The following SSH2 variants were observed in gnomAD, a reference collection of about 807,000 sequenced individuals.
SSH2 encodes slingshot protein phosphatase 2.
A neutral mutation model predicts 135.2 loss-of-function variants in SSH2; 37 were observed. The observed-to-expected ratio is 0.27, with a 90% confidence interval of 0.21 to 0.36. SSH2 has a LOEUF of 0.36. Among genes scored for constraint, SSH2 ranks in the 10% least tolerant of loss-of-function variants. The pLI is 1.00. For synonymous variants in SSH2, 628 were observed against 646.2 expected (o/e 0.97, Z 0.43); for missense variants, 1,408 against 1,765.3 (o/e 0.80, Z 3.63).
intron 1 of SSH2, among the ~76,000 whole-genome samples, chr17:29,871,900 C>T: frequency 6.6e-6 from 1 of 152,022 alleles, no homozygotes; most frequent in Non-Finnish European, 1.5e-5. Context: ...CAAAAATATT[C>T]CCTATTTTTT....
intron 5 of SSH2, among the ~76,000 whole-genome samples, chr17:29,690,273 C>T (rs1357117938): frequency 6.6e-6 from 1 of 151,616 alleles, no homozygotes; most frequent in African/African-American, 2.4e-5. Context: ...GGCGTGGTGG[C>T]GCATGCCGGT....
At chr17:29,721,408 C>G (rs1330097049) in intron 3 of SSH2, among the ~76,000 whole-genome samples, 1 of 152,180 alleles carries the variant, frequency 6.6e-6, no homozygotes, top group Non-Finnish European at 1.5e-5. Flanking sequence ...AGTGGCAACT[C>G]AGGACCCAGG....
At chr17:29,928,537 A>G (rs1043175821) in intron 1 of SSH2, 1 of 398,518 alleles carries the variant, frequency 2.5e-6, no homozygotes, top group Non-Finnish European at 4.4e-6. Flanking sequence ...TCTTCCTTAC[A>G]ATCACTGGAA....
intron 8 of SSH2, chr17:29,674,170 T>C (rs1052740374): frequency 4.4e-6 from 2 of 456,410 alleles, no homozygotes; most frequent in Admixed American, 2.4e-5. Context: ...CTATACAATG[T>C]AAATTAAGAA....
chr17:29,813,546 G>A (rs1320187765), intron 2 of SSH2, among the ~76,000 whole-genome samples: 4 of 151,960 alleles, frequency 2.6e-5, no homozygotes, highest in Non-Finnish European at 5.9e-5. Context: ...AGCCGGGCAC[G>A]GTGGCTCACG....
At chr17:29,880,184 C>T (rs1245109506) in intron 1 of SSH2, among the ~76,000 whole-genome samples, 1 of 152,184 alleles carries the variant, frequency 6.6e-6, no homozygotes, top group African/African-American at 2.4e-5. Context: ...TGCAGTGACA[C>T]AATCACAGCT....
At chr17:29,785,027 A>G (rs1377156113) in intron 3 of SSH2, among the ~76,000 whole-genome samples, 1 of 152,122 alleles carries the variant, frequency 6.6e-6, no homozygotes, top group Non-Finnish European at 1.5e-5. Flanking sequence ...ATAAAGACCA[A>G]ATTTTCAAAG....
At position 29,854,713 on chromosome 17, in the gene SSH2, C is replaced by T. The variant is rs1011048269; in HGVS notation, c.64-5784G>A. On this transcript the variant is annotated intron_variant, in intron 1 of 15. Coordinates refer to ENST00000540801, the MANE Select transcript of SSH2 (RefSeq NM_001282129.2). ...CTGTAATCCCAGCACTTTGGGAGGC[C>T]GAGGCGGGTGGATCACCTGAGGTCA... 8.1e-4 allele frequency among the ~76,000 whole-genome samples: 123 copies of T among 151,880 alleles called. 1 individual carries two copies. The highest frequency in any genetic ancestry group is 2.6e-4 in the Non-Finnish European group (18 of 67,950).
intron 3 of SSH2, among the ~76,000 whole-genome samples, chr17:29,781,546 C>A (rs1387595888): frequency 7.3e-6 from 1 of 136,104 alleles, no homozygotes; most frequent in Non-Finnish European, 1.5e-5. Context: ...ATGGCGCAGT[C>A]TCAGCTCACT....
chr17:29,790,306 G>A (rs1202551047), intron 3 of SSH2, among the ~76,000 whole-genome samples: 1 of 152,092 alleles, frequency 6.6e-6, no homozygotes, highest in Non-Finnish European at 1.5e-5. Context: ...AGACCAGAAC[G>A]TGCTCTCTCT....
intron 2 of SSH2, among the ~76,000 whole-genome samples, chr17:29,800,944 C>T (rs756365782): frequency 5.3e-4 from 80 of 151,646 alleles, no homozygotes; most frequent in Non-Finnish European, 9.9e-4. Flanking sequence ...CGGCTCACTG[C>T]ACCCTCTGCC....
At chr17:29,656,127 G>C (rs2036769196) in intron 11 of SSH2, among the ~76,000 whole-genome samples, 2 of 152,202 alleles carry the variant, frequency 1.3e-5, no homozygotes, top group South Asian at 4.1e-4. Context: ...AATTTTTACA[G>C]ATAACAAAAG....
chr17:29,874,142 A>T (rs1033973612), intron 1 of SSH2, among the ~76,000 whole-genome samples: 1 of 151,850 alleles, frequency 6.6e-6, no homozygotes, highest in Non-Finnish European at 1.5e-5. Flanking sequence ...AAAATACAAA[A>T]ATTAGCTGAG....
intron 1 of SSH2, among the ~76,000 whole-genome samples, chr17:29,911,557 A>T (rs942978149): frequency 6.6e-6 from 1 of 152,162 alleles, no homozygotes; most frequent in African/African-American, 2.4e-5. Flanking sequence ...CAGGATTCCA[A>T]CTTAGGTTGT....
chr17:29,643,904 C>T (rs971519449), intron 14 of SSH2, among the ~76,000 whole-genome samples: 2 of 152,162 alleles, frequency 1.3e-5, no homozygotes, highest in African/African-American at 4.8e-5. Context: ...AGTTTAAATG[C>T]CCCTTTTCTT....
At chr17:29,847,445 C>T (rs776811258) in intron 2 of SSH2, among the ~76,000 whole-genome samples, 5 of 152,114 alleles carry the variant, frequency 3.3e-5, no homozygotes, top group Non-Finnish European at 5.9e-5. Context: ...ACAACTGGGA[C>T]GGTGTCTGCA....
chr17:29,761,841 ATATG>A (rs1360849978), intron 3 of SSH2, among the ~76,000 whole-genome samples: 6 of 141,228 alleles, frequency 4.2e-5, no homozygotes, highest in Non-Finnish European at 9.1e-5. Flanking sequence ...ACTCACATAC[ATATG>A]TGTGTGTGTG....
intron 3 of SSH2, among the ~76,000 whole-genome samples, chr17:29,741,419 A>G (rs1186777740): frequency 6.6e-6 from 1 of 152,188 alleles, no homozygotes; most frequent in Non-Finnish European, 1.5e-5. Flanking sequence ...GGTTTTGTTT[A>G]TAACTGCAAA....
In SSH2 at chr17:29,780,795, T is replaced by C. The variant is rs533062127; in HGVS notation, c.188+13099A>G. On this transcript the variant is annotated intron_variant, in intron 3 of 15. Coordinates refer to ENST00000540801, the MANE Select transcript of SSH2 (RefSeq NM_001282129.2). The stretch of plus-strand genomic sequence containing the variant: ...CATATTTACAATGGACCTACTTTTT[T>C]CCCCACTTTTCCTCCCTTTTTTTAT... Among the ~76,000 whole-genome samples, 36 of 151,940 alleles carry C rather than the reference T, an allele frequency of 2.4e-4. No homozygotes were observed. In the South Asian group the frequency reaches 5.8e-3, roughly 25 times the overall value.
Sources: gnomAD v4.1 joint callset for allele counts (sites outside exome capture counted in the v4.1 genomes callset) on GRCh38, gnomAD v4.1.1 for gene constraint, MANE v1.5 for transcripts, NCBI Gene and HGNC (gene_info 2026-07-23, HGNC 2026-07-21) for gene names.